HS6ST3: variants seen among roughly 807,000 people sequenced by gnomAD.
HS6ST3 encodes heparan sulfate 6-O-sulfotransferase 3.
HS6ST3 carries 12 observed loss-of-function variants against 36.7 expected under a neutral mutation model. The observed-to-expected ratio is 0.33, with a 90% CI of 0.21 to 0.53. The LOEUF (loss-of-function observed/expected upper bound fraction) is 0.53, where lower values mean the gene tolerates loss of function less well. Ranked by LOEUF, HS6ST3 falls within the 20% of genes least tolerant of loss-of-function variation. The pLI is 0.95. For synonymous variants in HS6ST3, 240 were observed against 257.5 expected (o/e 0.93, Z 0.65); for missense variants, 584 against 640.9 (o/e 0.91, Z 0.96).
chr13:96,355,470 A>G (rs1203464659), intron 1 of HS6ST3, among the ~76,000 whole-genome samples: 1 of 152,084 alleles, frequency 6.6e-6, no homozygotes, highest in East Asian at 1.9e-4. Context: ...CTGCCACCAT[A>G]AAGTAAATAT....
At chr13:96,216,652 G>A (rs894721791) in intron 1 of HS6ST3, among the ~76,000 whole-genome samples, 1 of 152,058 alleles carries the variant, frequency 6.6e-6, no homozygotes, top group Non-Finnish European at 1.5e-5. Flanking sequence ...GGGCAGGGAC[G>A]AGTGAAGTGG....
At chr13:96,093,241 A>G (rs1036556052) in intron 1 of HS6ST3, among the ~76,000 whole-genome samples, 1 of 152,206 alleles carries the variant, frequency 6.6e-6, no homozygotes, top group Non-Finnish European at 1.5e-5. Context: ...TTTTTGTCCC[A>G]GGTTCATAAA....
chr13:96,444,005 C>A (rs1157269153), intron 1 of HS6ST3, among the ~76,000 whole-genome samples: 2 of 152,198 alleles, frequency 1.3e-5, no homozygotes, highest in Non-Finnish European at 2.9e-5. Context: ...ATTCACTTAA[C>A]CTTCACTATG....
At chr13:96,490,470 G>A (rs552963095) in intron 1 of HS6ST3, among the ~76,000 whole-genome samples, 2 of 152,246 alleles carry the variant, frequency 1.3e-5, no homozygotes, top group South Asian at 4.1e-4. Context: ...ACATTAAAAT[G>A]ATTAAAATGA....
chr13:96,550,333 G>A (rs1242886676), intron 1 of HS6ST3, among the ~76,000 whole-genome samples: 1 of 152,102 alleles, frequency 6.6e-6, no homozygotes, highest in Non-Finnish European at 1.5e-5. Flanking sequence ...CATGTGACAT[G>A]CCTGCCCCTC....
At chr13:96,587,914 A>G (rs1428987969) in intron 1 of HS6ST3, among the ~76,000 whole-genome samples, 2 of 152,200 alleles carry the variant, frequency 1.3e-5, no homozygotes, top group Non-Finnish European at 2.9e-5. Context: ...TGTTTGTACT[A>G]TCTTCAATTT....
At chr13:96,621,125 G>C (rs769234846) in intron 1 of HS6ST3, among the ~76,000 whole-genome samples, 2 of 152,206 alleles carry the variant, frequency 1.3e-5, no homozygotes, top group African/African-American at 4.8e-5. Context: ...GCAAGCGGGA[G>C]CAAGGGGGCT....
chr13:96,591,233 C>T (rs2056380789), intron 1 of HS6ST3, among the ~76,000 whole-genome samples: 1 of 151,910 alleles, frequency 6.6e-6, no homozygotes, highest in Admixed American at 6.6e-5. Flanking sequence ...CTGTGAAGAA[C>T]ATCACTGGTA....
intron 1 of HS6ST3, among the ~76,000 whole-genome samples, chr13:96,128,511 A>G (rs1180098081): frequency 1.6e-4 from 24 of 152,174 alleles, no homozygotes; most frequent in Non-Finnish European, 5.9e-5. Context: ...CTCCTCAGGA[A>G]GGTGCTGCAT....
chr13:96,426,626 A>T (rs1417697479), intron 1 of HS6ST3, among the ~76,000 whole-genome samples: 2 of 152,188 alleles, frequency 1.3e-5, no homozygotes, highest in African/African-American at 2.4e-5. Context: ...GACTTTTTTT[A>T]GTAAAATGAT....
At chr13:96,416,386 C>T (rs1299839492) in intron 1 of HS6ST3, among the ~76,000 whole-genome samples, 1 of 152,160 alleles carries the variant, frequency 6.6e-6, no homozygotes, top group African/African-American at 2.4e-5. Context: ...TAGTCTAATA[C>T]TAAGAGTCAT....
At chr13:96,613,521 G>A (rs953140556) in intron 1 of HS6ST3, among the ~76,000 whole-genome samples, 1 of 152,160 alleles carries the variant, frequency 6.6e-6, no homozygotes, top group African/African-American at 2.4e-5. Context: ...TAATGAATGA[G>A]TCGACTTGGA....
chr13:96,296,623 A>G (rs1052618823), intron 1 of HS6ST3, among the ~76,000 whole-genome samples: 1 of 152,096 alleles, frequency 6.6e-6, no homozygotes, highest in South Asian at 2.1e-4. Flanking sequence ...ATAATTTACT[A>G]TTTATATAGC....
At chr13:96,412,900 A>G (rs1158776326) in intron 1 of HS6ST3, among the ~76,000 whole-genome samples, 2 of 148,172 alleles carry the variant, frequency 1.3e-5, no homozygotes, top group African/African-American at 2.4e-5. Context: ...TGAGTAATCA[A>G]TATTTATTGA....
chr13:96,354,414 GA>G (rs573124249), intron 1 of HS6ST3, among the ~76,000 whole-genome samples: 25 of 151,750 alleles, frequency 1.6e-4, no homozygotes, highest in African/African-American at 4.3e-4. Context: ...TCTTGAGTGG[GA>G]AAAAAAATCT....
At chr13:96,528,689 A>G (rs1397187116) in intron 1 of HS6ST3, among the ~76,000 whole-genome samples, 2 of 152,194 alleles carry the variant, frequency 1.3e-5, no homozygotes, top group Admixed American at 1.3e-4. Context: ...CCACATTGCA[A>G]ATAACTCTGA....
At chr13:96,796,855 G>C (rs746604724) in intron 1 of HS6ST3, among the ~76,000 whole-genome samples, 14 of 152,042 alleles carry the variant, frequency 9.2e-5, no homozygotes, top group Non-Finnish European at 2.1e-4. Context: ...GAGTAGATGA[G>C]CATTTATTTG....
At chr13:96,509,164 G>T (rs938913561) in intron 1 of HS6ST3, among the ~76,000 whole-genome samples, 1 of 152,076 alleles carries the variant, frequency 6.6e-6, no homozygotes, top group Non-Finnish European at 1.5e-5. Flanking sequence ...TTTGAGAAAT[G>T]TCTATTCAAG....
chr13:96,599,052 G>A (rs80189503), intron 1 of HS6ST3, among the ~76,000 whole-genome samples: 1,869 of 152,158 alleles, frequency 0.012, 36 homozygotes, highest in African/African-American at 0.043. Flanking sequence ...TTGATATGTT[G>A]TTGGATTCAG....
Sources: allele counts gnomAD v4.1 joint callset (sites outside exome capture counted in the v4.1 genomes callset), GRCh38; gene constraint gnomAD v4.1.1; transcripts MANE v1.5; gene names NCBI Gene and HGNC (gene_info 2026-07-23, HGNC 2026-07-21).